EOMES: variants seen among roughly 807,000 people sequenced by gnomAD.
The protein encoded by EOMES is eomesodermin homolog.
A neutral mutation model predicts 61.0 loss-of-function variants in EOMES; 18 were observed. That is an observed-to-expected ratio of 0.30 (90% confidence interval 0.20 to 0.44). EOMES has a LOEUF of 0.44. Among genes scored for constraint, EOMES ranks in the 20% least tolerant of loss-of-function variants. The probability of loss-of-function intolerance (pLI) is 1.00; values close to 1 mark genes in which losing one functional copy is unlikely to be tolerated. For synonymous variants in EOMES, 430 were observed against 394.0 expected, an observed-to-expected ratio of 1.09 and a Z score of -1.08; for missense variants, 885 against 939.2, an observed-to-expected ratio of 0.94 and a Z score of 0.75.
chr3:27,717,652 C>T lies in EOMES; in HGVS notation c.1536G>A (p.Glu512=). 6.2e-7 allele frequency: 1 copy of T among 1,614,074 alleles called. No individual in the cohort carries two copies. Among genetic ancestry groups the T allele is most frequent in the Non-Finnish European group, 8.5e-7 (1 of 1,180,028 alleles). ...TLPQARYYNG[E]RTVPQTNGLL... Reference sequence around the variant, plus strand: ...GGCCGTTGGTCTGTGGCACGGTTCTCTCGCCATTATAATAGCGGGCTTGAG... The same window carrying T: ...GGCCGTTGGTCTGTGGCACGGTTCTTTCGCCATTATAATAGCGGGCTTGAG... The change falls in exon 6 of 6, where the codon GAG becomes GAA. Residue 512 remains glutamate, a synonymous_variant. Coordinates refer to ENST00000449599, the MANE Select transcript of EOMES (RefSeq NM_001278182.2). This position sits in a 1 kb window ranked among gnomAD's most constrained non-coding sequence, Gnocchi z 4.5.
Position 27,719,387 on chromosome 3 carries a change from G to C in EOMES, c.1131C>G (p.Asn377Lys), listed in dbSNP as rs747195051. 2 of 1,614,032 alleles carry C rather than the reference G, an allele frequency of 1.2e-6. No homozygotes were observed. Among genetic ancestry groups the C allele is most frequent in the Admixed American group, 1.7e-5 (1 of 60,024 alleles). ...ISFGKLKLTN[N>K]KGANNNNTQM... Reference sequence around the variant, plus strand: ...GGGTGTTGTTGTTATTTGCGCCTTTGTTATTGGTGAGTTTTAATTTCCCGA... The same window carrying C: ...GGGTGTTGTTGTTATTTGCGCCTTTCTTATTGGTGAGTTTTAATTTCCCGA... The change falls in exon 3 of 6, where the codon AAC becomes AAG. Residue 377 changes from asparagine to lysine, a missense_variant. By Grantham distance (94) the Asn-to-Lys change is moderately conservative. Transcript: ENST00000449599.
At position 27,717,544 on chromosome 3, in the gene EOMES, G is replaced by A. The variant is rs369282334; in HGVS notation, c.1644C>T (p.Asn548=). The stretch of plus-strand genomic sequence containing the variant: ...ATTCATAGGAACTGATGTCTAGTTT[G>A]TTGGTCCCAGGTTGCTGGACAGGCG... ...LVTPVQQPGT[N]KLDISSYESE... is the part of the protein sequence containing the mutation. The change falls in exon 6 of 6, where the codon AAC becomes AAT. Residue 548 remains asparagine, a synonymous_variant. Transcript: ENST00000449599. This position sits in a 1 kb window ranked among gnomAD's most constrained non-coding sequence, Gnocchi z 4.5. The A allele has an allele frequency of 1.9e-6, 3 of 1,614,204 alleles. No homozygotes were observed. Among genetic ancestry groups the A allele is most frequent in the Admixed American group, 1.7e-5 (1 of 60,024 alleles).
chr3:27,717,050 T>C lies in EOMES; in HGVS notation c.*20A>G, dbSNP rs1451333481. On this transcript the variant is annotated 3_prime_UTR_variant, in exon 6 of 6. Transcript: ENST00000449599. This position sits in a 1 kb window ranked among gnomAD's most constrained non-coding sequence, Gnocchi z 4.5. Reference sequence around the variant, plus strand: ...TCCATCTGCAAAAAGTTAGCTAATTTTTGAGGTTAAAATAACTCTTTAGGG... The same window carrying C: ...TCCATCTGCAAAAAGTTAGCTAATTCTTGAGGTTAAAATAACTCTTTAGGG... 1.9e-6 allele frequency: 3 copies of C among 1,567,368 alleles called. No individual in the cohort carries two copies. Among genetic ancestry groups the C allele is most frequent in the Non-Finnish European group, 2.6e-6 (3 of 1,156,970 alleles).
At chr3:27,719,618 T>A in intron 2 of EOMES, 137 bp from the exon 3 acceptor site, 3 of 754,426 alleles carry the variant, frequency 4.0e-6, no homozygotes, top group Non-Finnish European at 6.4e-6. Context: ...AAAAGTTGCT[T>A]AAAGAGGCCA....
At chr3:27,719,620 A>C in intron 2 of EOMES, 139 bp from the exon 3 acceptor site, 1 of 743,122 alleles carries the variant, frequency 1.3e-6, no homozygotes, top group Non-Finnish European at 2.2e-6. Flanking sequence ...AAGTTGCTTA[A>C]AGAGGCCAGT....
Position 27,721,473 on chromosome 3 carries a change from C to G in EOMES, c.822G>C (p.Arg274=). Residue 274 remains arginine (R), a synonymous_variant, in exon 1 of 6, where the codon CGG becomes CGC. Transcript: ENST00000449599. This position sits in a 1 kb window ranked among gnomAD's most constrained non-coding sequence, Gnocchi z 7.4. ...GFRAHVYLCN[R]PLWLKFHRHQ... ...GGCGGTGGAATTTGAGCCACAGAGG[C>G]CGGTTGCACAGGTAGACGTGGGCAC... The G allele has an allele frequency of 6.2e-7, 1 of 1,613,642 alleles. No homozygotes were observed. Among genetic ancestry groups the G allele is most frequent in the Non-Finnish European group, 8.5e-7 (1 of 1,179,902 alleles).
At position 27,716,769 on chromosome 3, in the gene EOMES, C is replaced by A; in HGVS notation, c.*301G>T. On this transcript the variant is annotated 3_prime_UTR_variant, in exon 6 of 6. Coordinates refer to ENST00000449599, the MANE Select transcript of EOMES (RefSeq NM_001278182.2). ...AGCACTGGGCACCCAATGTTCACAG[C>A]CTGCTTCTTTGAAGGGTTAGTGTCT... The A allele has an allele frequency of 3.2e-6, 1 of 314,544 alleles. No homozygotes were observed. Among genetic ancestry groups the A allele is most frequent in the Non-Finnish European group, 5.8e-6 (1 of 172,102 alleles). The allele number at this position is 314,544 out of a possible 1,614,324, so 19.5% of individuals were successfully genotyped here.
At position 27,721,795 on chromosome 3, in the gene EOMES, G is replaced by T. The variant is rs1391604304; in HGVS notation, c.500C>A (p.Ala167Glu). ...AGGTCCGTGGGGCGCCCCAGCCGCC[G>T]CCTGGTACGGGAAGAGTGAGCAGGG... is the stretch of plus-strand genomic sequence containing the variant. ...AAPCSLFPYQ[A>E]AAGAPHGPVY... Residue 167 changes from alanine to glutamate, a missense_variant, in exon 1 of 6, where the codon GCG (alanine) becomes GAG (glutamate). Coordinates refer to ENST00000449599, the MANE Select transcript of EOMES (RefSeq NM_001278182.2). This position sits in a 1 kb window ranked among gnomAD's most constrained non-coding sequence, Gnocchi z 7.4. 4 of 1,504,148 alleles carry T rather than the reference G, an allele frequency of 2.7e-6. No homozygotes were observed. The highest frequency in any genetic ancestry group is 5.3e-5 in the Admixed American group (2 of 37,772). 93.2% of individuals were successfully genotyped at this position (1,504,148 alleles called of 1,614,324 possible).
rs755348972 is a variant in EOMES, at chr3:27,721,275, CG to C, written c.881+138del. On this transcript the variant is annotated intron_variant, in intron 1 of 5. Transcript: ENST00000449599. This position sits in a 1 kb window ranked among gnomAD's most constrained non-coding sequence, Gnocchi z 7.4. ...CACCGCATTGGAGATGCGGTGTCTA[CG>C]GAGATTTATTGCGCGCGGTGAAACA... 8.4e-5 allele frequency: 57 copies of C among 675,002 alleles called. No homozygotes were observed. The highest frequency in any genetic ancestry group is 1.2e-4 in the Non-Finnish European group (47 of 400,602). The allele number at this position is 675,002 out of a possible 1,614,324, so 41.8% of individuals were successfully genotyped here.
rs1264584349 is a variant in EOMES at position 27,721,138 on chromosome 3, C to A, written c.881+276G>T. ...CCAGCTTGTGGACATGCCCTAATTT[C>A]CATTTCCGCCTCCTCCAGGTCTGTT... is the stretch of plus-strand genomic sequence containing the variant. On this transcript the variant is annotated intron_variant, in intron 1 of 5. Coordinates refer to ENST00000449599, the MANE Select transcript of EOMES (RefSeq NM_001278182.2). The surrounding 1 kb of genome is among the most constrained non-coding windows in gnomAD (Gnocchi z 7.4). Among the ~76,000 whole-genome samples the A allele has an allele frequency of 6.6e-6, 1 of 152,192 alleles. No homozygotes were observed. The highest frequency in any genetic ancestry group is 1.5e-5 in the Non-Finnish European group (1 of 68,038).
In EOMES at chr3:27,717,067, T is replaced by G. The variant is rs766406051; in HGVS notation, c.*3A>C. On this transcript the variant is annotated 3_prime_UTR_variant, in exon 6 of 6. Coordinates refer to ENST00000449599, the MANE Select transcript of EOMES (RefSeq NM_001278182.2). This position sits in a 1 kb window ranked among gnomAD's most constrained non-coding sequence, Gnocchi z 4.5. Reference sequence around the variant, plus strand: ...AGCTAATTTTTGAGGTTAAAATAACTCTTTAGGGAGTTGTGTAAAAAGCAT... The same window carrying G: ...AGCTAATTTTTGAGGTTAAAATAACGCTTTAGGGAGTTGTGTAAAAAGCAT... 2 of 1,595,894 alleles carry G rather than the reference T, an allele frequency of 1.3e-6. No homozygotes were observed. The highest frequency in any genetic ancestry group is 1.7e-6 in the Non-Finnish European group (2 of 1,170,648).
intron 2 of EOMES, 99 bp downstream of exon 2, chr3:27,720,072 G>T: frequency 8.4e-7 from 1 of 1,188,426 alleles, no homozygotes; most frequent in Non-Finnish European, 1.2e-6. Flanking sequence ...AATGGAAGGG[G>T]AAAAAAAAAG....
rs1576802109 is a variant in EOMES, at chr3:27,717,601, C to T, written c.1587G>A (p.Glu529=). 2 of 1,614,172 alleles carry T rather than the reference C, an allele frequency of 1.2e-6. No individual in the cohort carries two copies. Among genetic ancestry groups the T allele is most frequent in the East Asian group, 2.2e-5 (1 of 44,870 alleles). The part of the protein sequence containing the change: ...NGLLSPQQSE[E]VANPPQRWLV... ...GCCACCGCTGGGGAGGGTTGGCCAC[C>T]TCTTCGCTCTGTTGGGGTGAAAGGA... Residue 529 remains glutamate (E), a synonymous_variant, in exon 6 of 6, where the codon GAG becomes GAA. Coordinates refer to ENST00000449599, the MANE Select transcript of EOMES (RefSeq NM_001278182.2). This position sits in a 1 kb window ranked among gnomAD's most constrained non-coding sequence, Gnocchi z 4.5.
At position 27,717,109 on chromosome 3, in the gene EOMES, T is replaced by C. The variant is rs969396030; in HGVS notation, c.2079A>G (p.Lys693=). ...NAEEYSKDTS[K]GMGGYYAFYT... ...AAAAAGCATAATACCCTCCCATGCC[T>C]TTTGAGGTGTCTTTACTATACTCTT... Residue 693 remains lysine, a synonymous_variant, in exon 6 of 6, where the codon AAA becomes AAG. Transcript: ENST00000449599. This position sits in a 1 kb window ranked among gnomAD's most constrained non-coding sequence, Gnocchi z 4.5. The C allele has an allele frequency of 6.2e-7, 1 of 1,611,946 alleles. No homozygotes were observed.
At chr3:27,719,536 T>A (rs1414620790) in intron 2 of EOMES, 55 bp from the exon 3 acceptor site, 1 of 1,534,026 alleles carries the variant, frequency 6.5e-7, no homozygotes, top group Non-Finnish European at 9.0e-7. Flanking sequence ...TGTTTACAAA[T>A]GGAGAAAGCG....
chr3:27,716,977 A>G lies in EOMES; in HGVS notation c.*93T>C. The G allele has an allele frequency of 1.0e-6, 1 of 963,496 alleles. No individual in the cohort carries two copies. Among genetic ancestry groups the G allele is most frequent in the Non-Finnish European group, 1.6e-6 (1 of 641,170 alleles). 59.7% of individuals were successfully genotyped at this position (963,496 alleles called of 1,614,324 possible). ...GGATGCATCAAGGTGGAAGGCAAAC[A>G]TCTTTTTGGCAACCTAGGCAAAGAA... On this transcript the variant is annotated 3_prime_UTR_variant, in exon 6 of 6. Coordinates refer to ENST00000449599, the MANE Select transcript of EOMES (RefSeq NM_001278182.2).
chr3:27,720,588 G>A (rs1389977476), intron 1 of EOMES, among the ~76,000 whole-genome samples: 2 of 139,538 alleles, frequency 1.4e-5, no homozygotes, highest in Non-Finnish European at 3.1e-5. Flanking sequence ...CCCAACATCG[G>A]TATATTCCAA....
chr3:27,717,438 G>C lies in EOMES; in HGVS notation c.1750C>G (p.Pro584Ala). Reference sequence around the variant, plus strand: ...GCCATTGCAGGAAAGGTTGGGTCTGGGTAATACCCCAGGGCATGGGATGTC... The same window carrying C: ...GCCATTGCAGGAAAGGTTGGGTCTGCGTAATACCCCAGGGCATGGGATGTC... Reference protein sequence around the residue: ...LQTSHALGYYPDPTFPAMAGW... With the variant: ...LQTSHALGYYADPTFPAMAGW... The change falls in exon 6 of 6, where the codon CCA (proline) becomes GCA (alanine). Residue 584 changes from proline to alanine, a missense_variant. This residue lies in a region of EOMES where 259 missense variants were observed against 282.3 expected (regional missense o/e 0.92). Transcript: ENST00000449599. The surrounding 1 kb of genome is among the most constrained non-coding windows in gnomAD (Gnocchi z 4.5). 6.2e-7 allele frequency: 1 copy of C among 1,614,194 alleles called. No individual in the cohort carries two copies.
rs1324068178 is a variant in EOMES, at chr3:27,717,090, C to T, written c.2098G>A (p.Ala700Thr). 7 of 1,612,178 alleles carry T rather than the reference C, an allele frequency of 4.3e-6. No homozygotes were observed. The highest frequency in any genetic ancestry group is 5.9e-6 in the Non-Finnish European group (7 of 1,178,902). Residue 700 changes from alanine (A) to threonine (T), a missense_variant, in exon 6 of 6, where the codon GCT becomes ACT. By Grantham distance (58) the Ala-to-Thr change is moderately conservative. This residue lies in a region of EOMES where 259 missense variants were observed against 282.3 expected (regional missense o/e 0.92). Transcript: ENST00000449599. This position sits in a 1 kb window ranked among gnomAD's most constrained non-coding sequence, Gnocchi z 4.5. ...ACTCTTTAGGGAGTTGTGTAAAAAG[C>T]ATAATACCCTCCCATGCCTTTTGAG... is the stretch of plus-strand genomic sequence containing the variant. ...DTSKGMGGYYAFYTTP is the reference protein window; with the variant it reads ...DTSKGMGGYYTFYTTP
Sources: gnomAD v4.1 joint callset for allele counts (sites outside exome capture counted in the v4.1 genomes callset) on GRCh38, gnomAD v4.1.1 for gene constraint, gnomAD v4.1.1 regional missense constraint, Gnocchi (gnomAD v3.1) non-coding constraint, MANE v1.5 for transcripts, NCBI Gene and HGNC (gene_info 2026-07-23, HGNC 2026-07-21) for gene names.